ANK2: variants seen among roughly 807,000 people sequenced by gnomAD.
The protein encoded by ANK2 is ankyrin 2, also known as ankyrin-2.
A neutral mutation model predicts 360.5 loss-of-function variants in ANK2; 83 were observed. The observed-to-expected ratio is 0.23, with a 90% CI of 0.19 to 0.28. The LOEUF (loss-of-function observed/expected upper bound fraction) is 0.28. Among genes scored for constraint, ANK2 ranks in the 10% least tolerant of loss-of-function variants. ANK2 has a pLI of 1.00. For synonymous variants in ANK2, 1,740 were observed against 1,759.5 expected (o/e 0.99, Z 0.28); for missense variants, 4,201 against 4,795.7 (o/e 0.88, Z 3.66).
intron 2 of ANK2, among the ~76,000 whole-genome samples, chr4:112,924,475 G>C (rs900735208): frequency 6.6e-6 from 1 of 152,040 alleles, no homozygotes; most frequent in Non-Finnish European, 1.5e-5. Flanking sequence ...GCTACTGCTG[G>C]GTGAGAAAAC....
chr4:113,286,397 G>A (rs926585207), intron 18 of ANK2, among the ~76,000 whole-genome samples: 3 of 152,102 alleles, frequency 2.0e-5, no homozygotes, highest in African/African-American at 7.2e-5. Context: ...AAAGCTCCAG[G>A]CCCACAAGGA....
chr4:112,787,988 A>C, the ANK2 span: 5 of 674,226 alleles, frequency 7.4e-6, no homozygotes, highest in Non-Finnish European at 1.0e-5. Flanking sequence ...GTCATTACAG[A>C]GGACACATAT....
At position 113,255,765 on chromosome 4, in the gene ANK2, C is replaced by G; in HGVS notation, c.1021C>G (p.Gln341Glu). 2 of 1,614,086 alleles carry G rather than the reference C, an allele frequency of 1.2e-6. No individual in the cohort carries two copies. The highest frequency in any genetic ancestry group is 1.7e-6 in the Non-Finnish European group (2 of 1,180,008). ...GCTGTCTCCACTACACATGGCTGCC[C>G]AGGGAGACCACGTGGAATGTGTGAA... ...NGLSPLHMAA[Q>E]GDHVECVKHL... Residue 341 changes from glutamine (Q) to glutamate (E), a missense_variant, in exon 11 of 46, where the codon CAG becomes GAG. Physicochemically the swap from Gln to Glu is conservative, Grantham distance 29. Coordinates refer to ENST00000357077, the MANE Select transcript of ANK2 (RefSeq NM_001148.6).
chr4:112,967,462 A>G (rs1358708591), intron 2 of ANK2, among the ~76,000 whole-genome samples: 1 of 152,138 alleles, frequency 6.6e-6, no homozygotes, highest in Non-Finnish European at 1.5e-5. Context: ...CTTCAGAAGT[A>G]TTTTTCCATT....
At chr4:112,992,167 G>A (rs1578513293) in intron 2 of ANK2, among the ~76,000 whole-genome samples, 2 of 148,532 alleles carry the variant, frequency 1.3e-5, no homozygotes, top group East Asian at 2.0e-4. Flanking sequence ...TTTTTTAGAC[G>A]GAGTTTCACT....
intron 1 of ANK2, among the ~76,000 whole-genome samples, chr4:113,051,941 C>T (rs528197632): frequency 6.6e-6 from 1 of 152,156 alleles, no homozygotes; most frequent in Admixed American, 6.5e-5. Flanking sequence ...TTGCAATAAG[C>T]CTTTTAAGAG....
At chr4:112,877,436 A>G (rs1307543587) in intron 1 of ANK2, among the ~76,000 whole-genome samples, 3 of 152,190 alleles carry the variant, frequency 2.0e-5, no homozygotes, top group Non-Finnish European at 4.4e-5. Context: ...TGCAGCCTCA[A>G]ACTGCAGGGC....
intron 2 of ANK2, among the ~76,000 whole-genome samples, chr4:112,968,265 G>A (rs371829687): frequency 1.2e-4 from 18 of 152,154 alleles, no homozygotes; most frequent in African/African-American, 2.7e-4. Flanking sequence ...ATTGATCTTC[G>A]CAGCCACAGA....
At chr4:113,237,265 C>A in intron 6 of ANK2, 93 bp downstream of exon 6, 6 of 1,411,138 alleles carry the variant, frequency 4.3e-6, no homozygotes, top group Non-Finnish European at 6.0e-6. Context: ...GGTGATAATG[C>A]AAAATTATTT....
chr4:112,808,762 ACAAAT>A, the ANK2 span, among the ~76,000 whole-genome samples: 4 of 152,262 alleles, frequency 2.6e-5, no homozygotes, highest in African/African-American at 9.6e-5. Context: ...ACTGGTACAG[ACAAAT>A]CAATGGAATA....
chr4:113,374,016 C>T (rs192001311), intron 45 of ANK2, among the ~76,000 whole-genome samples: 3 of 152,192 alleles, frequency 2.0e-5, no homozygotes, highest in African/African-American at 7.2e-5. Flanking sequence ...CCTCCACCTC[C>T]GGGTTCAAGC....
chr4:113,161,157 T>C (rs1330447703), intron 1 of ANK2, among the ~76,000 whole-genome samples: 2 of 152,198 alleles, frequency 1.3e-5, no homozygotes, highest in African/African-American at 4.8e-5. Flanking sequence ...TTCCTTACTT[T>C]TCAAAATTCG....
intron 1 of ANK2, among the ~76,000 whole-genome samples, chr4:113,131,991 C>T (rs1056532023): frequency 3.7e-4 from 56 of 152,034 alleles, no homozygotes; most frequent in African/African-American, 1.2e-3. Flanking sequence ...CATTTAATGC[C>T]GTAGACTGGA....
the ANK2 span, among the ~76,000 whole-genome samples, chr4:112,805,635 GCA>G: frequency 4.5e-4 from 67 of 149,674 alleles, 1 homozygote; most frequent in African/African-American, 1.5e-3. Context: ...AGGCTGGAGT[GCA>G]ATGGGGTGAT....
At chr4:113,227,374 C>T (rs776728091) in intron 4 of ANK2, among the ~76,000 whole-genome samples, 1 of 152,100 alleles carries the variant, frequency 6.6e-6, no homozygotes, top group Non-Finnish European at 1.5e-5. Context: ...CTCCTAGCAC[C>T]CCAAGCCAAG....
At chr4:113,362,377 C>T (rs1379658749) in intron 39 of ANK2, among the ~76,000 whole-genome samples, 11 of 152,226 alleles carry the variant, frequency 7.2e-5, no homozygotes, top group South Asian at 4.1e-4. Context: ...TACCCACACA[C>T]GCATACACAC....
At chr4:113,361,805 A>C (rs565935552) in intron 39 of ANK2, among the ~76,000 whole-genome samples, 23 of 152,200 alleles carry the variant, frequency 1.5e-4, no homozygotes, top group African/African-American at 5.5e-4. Flanking sequence ...TGATTGACTT[A>C]CTAGATAACA....
At chr4:112,757,348 G>T in the ANK2 span, among the ~76,000 whole-genome samples, 1 of 152,002 alleles carries the variant, frequency 6.6e-6, no homozygotes, top group Non-Finnish European at 1.5e-5. Flanking sequence ...TCGAACTCCT[G>T]AACTCAGGTG....
At chr4:112,825,360 A>C (rs544351607) in intron 1 of ANK2, among the ~76,000 whole-genome samples, 2 of 152,286 alleles carry the variant, frequency 1.3e-5, no homozygotes, top group South Asian at 4.2e-4. Context: ...TAAAAAAAGA[A>C]AGAAAAAGAC....
Sources: gnomAD v4.1 joint callset for allele counts (sites outside exome capture counted in the v4.1 genomes callset) on GRCh38, gnomAD v4.1.1 for gene constraint, MANE v1.5 for transcripts, NCBI Gene and HGNC (gene_info 2026-07-23, HGNC 2026-07-21) for gene names.